Variants in DLG2 observed in about 807,000 individuals in gnomAD.
The protein encoded by DLG2 is discs large MAGUK scaffold protein 2.
In DLG2, 45 loss-of-function variants were observed where a neutral mutation model predicts 132.5. The ratio of observed to expected loss-of-function variants is 0.34; its 90% CI spans 0.27 to 0.44. The LOEUF is 0.44. DLG2 is among the 20% of genes least tolerant of loss of function. The pLI is 1.00. For synonymous variants in DLG2, 424 were observed against 419.6 expected, an observed-to-expected ratio of 1.01 and a Z score of -0.13; for missense variants, 1,045 against 1,196.9, an observed-to-expected ratio of 0.87 and a Z score of 1.87.
At chr11:84,012,728 G>A (rs908795443) in intron 11 of DLG2, among the ~76,000 whole-genome samples, 2 of 152,054 alleles carry the variant, frequency 1.3e-5, no homozygotes, top group Non-Finnish European at 2.9e-5. Flanking sequence ...AGTCAGAAAA[G>A]TTAAATAAAA....
chr11:84,663,814 G>T (rs1442097213), intron 6 of DLG2, among the ~76,000 whole-genome samples: 1 of 152,094 alleles, frequency 6.6e-6, no homozygotes, highest in Non-Finnish European at 1.5e-5. Context: ...TCTTAATCAT[G>T]GGCTGACACT....
At chr11:84,804,038 G>A (rs1029769669) in intron 6 of DLG2, among the ~76,000 whole-genome samples, 1 of 152,136 alleles carries the variant, frequency 6.6e-6, no homozygotes, top group African/African-American at 2.4e-5. Context: ...TTTTACTATG[G>A]TAGCAATTAT....
intron 2 of DLG2, among the ~76,000 whole-genome samples, chr11:85,605,760 C>T (rs1371209956): frequency 1.3e-5 from 2 of 152,182 alleles, no homozygotes; most frequent in African/African-American, 4.8e-5. Flanking sequence ...AGGCAGATCA[C>T]CTGAGGTCAG....
chr11:83,731,578 A>C (rs1269567165), intron 18 of DLG2, among the ~76,000 whole-genome samples: 1 of 152,204 alleles, frequency 6.6e-6, no homozygotes, highest in African/African-American at 2.4e-5. Flanking sequence ...TGCTATTGGA[A>C]ATAGTGATGC....
intron 6 of DLG2, among the ~76,000 whole-genome samples, chr11:84,919,423 T>C (rs140140843): frequency 4.9e-4 from 74 of 152,322 alleles, no homozygotes; most frequent in African/African-American, 1.7e-3. Flanking sequence ...TTAAAAGTTA[T>C]TGTATTTACG....
intron 9 of DLG2, among the ~76,000 whole-genome samples, chr11:84,129,023 G>A (rs11824023): frequency 0.026 from 3,890 of 152,192 alleles, 148 homozygotes; most frequent in African/African-American, 0.088. Context: ...TCTGCTGGCA[G>A]ATGAAAATGA....
chr11:84,425,829 A>ATTGT (rs954539730), intron 7 of DLG2, among the ~76,000 whole-genome samples: 1 of 152,146 alleles, frequency 6.6e-6, no homozygotes, highest in African/African-American at 2.4e-5. Flanking sequence ...GGTAATAAAA[A>ATTGT]TTGTTATTTC....
intron 18 of DLG2, among the ~76,000 whole-genome samples, chr11:83,715,683 G>C (rs758829827): frequency 6.6e-6 from 1 of 152,156 alleles, no homozygotes; most frequent in Non-Finnish European, 1.5e-5. Context: ...TGGGCATAAC[G>C]ATTGTTCCGT....
At chr11:84,463,199 C>A (rs924898591) in intron 7 of DLG2, among the ~76,000 whole-genome samples, 9 of 151,154 alleles carry the variant, frequency 6.0e-5, no homozygotes, top group African/African-American at 1.9e-4. Context: ...GTGCTTAATT[C>A]TTTTCTCTTA....
At chr11:84,301,457 A>C (rs2098151592) in intron 7 of DLG2, among the ~76,000 whole-genome samples, 1 of 151,938 alleles carries the variant, frequency 6.6e-6, no homozygotes. Flanking sequence ...GGAGATCGAG[A>C]CCATCCTGGC....
At chr11:84,212,346 GA>G (rs1420075712) in intron 8 of DLG2, among the ~76,000 whole-genome samples, 2 of 152,164 alleles carry the variant, frequency 1.3e-5, no homozygotes, top group Non-Finnish European at 2.9e-5. Context: ...TGTGGGGCTT[GA>G]ATCTTATATA....
intron 7 of DLG2, among the ~76,000 whole-genome samples, chr11:84,326,282 G>A (rs896052827): frequency 5.3e-5 from 8 of 150,968 alleles, no homozygotes; most frequent in Non-Finnish European, 8.9e-5. Flanking sequence ...TGCTTAGTTT[G>A]TCTTCCTTTT....
At chr11:84,487,604 A>G (rs1467192843) in intron 7 of DLG2, among the ~76,000 whole-genome samples, 3 of 152,194 alleles carry the variant, frequency 2.0e-5, no homozygotes, top group Admixed American at 1.3e-4. Context: ...ATTGTGAAAG[A>G]TACTGTAAGT....
At chr11:83,942,173 A>G (rs1683898762) in intron 14 of DLG2, among the ~76,000 whole-genome samples, 1 of 152,224 alleles carries the variant, frequency 6.6e-6, no homozygotes, top group Non-Finnish European at 1.5e-5. Flanking sequence ...TTCCTGTGTA[A>G]GTAAATTTGA....
intron 18 of DLG2, among the ~76,000 whole-genome samples, chr11:83,783,257 G>A (rs544234333): frequency 2.6e-5 from 4 of 152,172 alleles, no homozygotes; most frequent in Admixed American, 2.0e-4. Context: ...ATAGCAATGT[G>A]GACAACTGGA....
intron 6 of DLG2, among the ~76,000 whole-genome samples, chr11:84,944,605 AT>A (rs60502429): frequency 0.084 from 11,274 of 133,730 alleles, 425 homozygotes; most frequent in Middle Eastern, 0.15. Flanking sequence ...GTCTCTGTTA[AT>A]TTTTTTTTTT....
chr11:85,576,472 A>T (rs181783857), intron 3 of DLG2, among the ~76,000 whole-genome samples: 1 of 152,322 alleles, frequency 6.6e-6, no homozygotes, highest in African/African-American at 2.4e-5. Context: ...AAATTTTTGT[A>T]AACCCAAAGA....
intron 7 of DLG2, among the ~76,000 whole-genome samples, chr11:84,345,346 A>G (rs796502688): frequency 6.6e-6 from 1 of 152,356 alleles, no homozygotes; most frequent in African/African-American, 2.4e-5. Context: ...CCTGTACACG[A>G]GTAAATACTA....
chr11:85,006,102 T>G lies in DLG2; in HGVS notation c.357+105559A>C, dbSNP rs376438820. ...CTTGATCTTGGTGGATAAGCTTTTT[T>G]ATGTGCTGCTGGATTCAGTTTGCCC... On this transcript the variant is annotated intron_variant, in intron 6 of 27. Coordinates refer to ENST00000376104, the MANE Select transcript of DLG2 (RefSeq NM_001142699.3). Among the ~76,000 whole-genome samples, 164 of 152,292 alleles carry G rather than the reference T, an allele frequency of 1.1e-3. 1 individual carries two copies. Among genetic ancestry groups the G allele is most frequent in the African/African-American group, 3.7e-3 (153 of 41,578 alleles).
Sources: allele counts gnomAD v4.1 joint callset (sites outside exome capture counted in the v4.1 genomes callset), GRCh38; gene constraint gnomAD v4.1.1; transcripts MANE v1.5; gene names NCBI Gene and HGNC (gene_info 2026-07-23, HGNC 2026-07-21).